The following PTPN22 variants were observed in gnomAD, a reference collection of about 807,000 sequenced individuals.
PTPN22 encodes the protein protein tyrosine phosphatase non-receptor type 22.
Under a neutral mutation model 103.3 loss-of-function variants are expected in PTPN22, and 85 were observed. That is an observed-to-expected ratio of 0.82 (90% CI 0.69 to 0.99). PTPN22 has a LOEUF of 0.99. Among genes scored for constraint, PTPN22 ranks in the 50% least tolerant of loss-of-function variants. The pLI is 0.00. For missense variants in PTPN22, 865 were observed against 936.9 expected (o/e 0.92, Z 1.00); for synonymous variants, 323 against 310.2 (o/e 1.04, Z -0.43).
chr1:113,859,202 G>A, intron 2 of PTPN22, 124 bp from the exon 3 acceptor site: 1 of 1,550,044 alleles, frequency 6.5e-7, no homozygotes, highest in Non-Finnish European at 8.7e-7. Context: ...ATGAATGAAT[G>A]AATGAATATT....
chr1:113,861,532 G>A (rs548892798), intron 1 of PTPN22, among the ~76,000 whole-genome samples: 3 of 151,934 alleles, frequency 2.0e-5, no homozygotes, highest in South Asian at 2.1e-4. Flanking sequence ...GAGCCACCGC[G>A]CCCGGCCAAT....
chr1:113,852,290 C>T (rs995753441), intron 9 of PTPN22, among the ~76,000 whole-genome samples, 186 bp from the exon 10 acceptor site: 7 of 152,050 alleles, frequency 4.6e-5, no homozygotes, highest in African/African-American at 1.7e-4. Context: ...CTGGTATTTT[C>T]CCTAGAAAAG....
intron 19 of PTPN22, among the ~76,000 whole-genome samples, chr1:113,822,511 AC>A (rs1661696944): frequency 6.6e-6 from 1 of 151,918 alleles, no homozygotes. Flanking sequence ...TTTACTTACT[AC>A]CCTGCATCTA....
At chr1:113,843,944 T>C (rs1233781985) in intron 11 of PTPN22, among the ~76,000 whole-genome samples, 1 of 152,132 alleles carries the variant, frequency 6.6e-6, no homozygotes, top group Non-Finnish European at 1.5e-5. Flanking sequence ...AAATAATCCA[T>C]TCTGGGCCGG....
intron 19 of PTPN22, among the ~76,000 whole-genome samples, chr1:113,821,123 A>C (rs1184609972): frequency 6.6e-6 from 1 of 152,194 alleles, no homozygotes; most frequent in African/African-American, 2.4e-5. Flanking sequence ...GAGGAAGTTC[A>C]GGAGATATCA....
intron 5 of PTPN22, among the ~76,000 whole-genome samples, chr1:113,857,250 A>C (rs2102114027): frequency 6.6e-6 from 1 of 152,316 alleles, no homozygotes; most frequent in East Asian, 1.9e-4. Context: ...ATTTCCATTT[A>C]GATTTAATAA....
intron 19 of PTPN22, among the ~76,000 whole-genome samples, chr1:113,822,502 T>A (rs542610796): frequency 1.3e-5 from 2 of 152,276 alleles, no homozygotes; most frequent in African/African-American, 4.8e-5. Context: ...TGTCTCCTCT[T>A]TACTTACTAC....
exon 18 of PTPN22, chr1:113,829,655 C>T (rs777389061): frequency 6.2e-7 from 1 of 1,609,036 alleles, no homozygotes; most frequent in East Asian, 2.2e-5. Context: ...TTGAATTTTC[C>T]ATGGTGTCAG....
intron 18 of PTPN22, 62 bp downstream of exon 18, chr1:113,829,530 G>T: frequency 1.2e-6 from 1 of 830,398 alleles, no homozygotes; most frequent in Non-Finnish European, 1.9e-6. Context: ...ATGCTGGGGA[G>T]GGGGAAACTT....
At chr1:113,852,739 T>C (rs184980026) in intron 9 of PTPN22, among the ~76,000 whole-genome samples, 19 of 152,282 alleles carry the variant, frequency 1.2e-4, no homozygotes, top group African/African-American at 4.1e-4. Context: ...CCCTACACTA[T>C]TGGAATCTCC....
intron 20 of PTPN22, among the ~76,000 whole-genome samples, chr1:113,816,326 A>T (rs1244718563): frequency 6.6e-6 from 1 of 151,812 alleles, no homozygotes; most frequent in Non-Finnish European, 1.5e-5. Flanking sequence ...ACACAAAAAA[A>T]TTAGCCGGGC....
chr1:113,869,719 A>T (rs138482990), intron 1 of PTPN22, among the ~76,000 whole-genome samples: 2 of 152,232 alleles, frequency 1.3e-5, no homozygotes, highest in African/African-American at 4.8e-5. Context: ...TAAAAAACAC[A>T]ACCAAAATAA....
chr1:113,857,632 C>G (rs1665193493), intron 5 of PTPN22, 106 bp downstream of exon 5: 1 of 1,010,908 alleles, frequency 9.9e-7, no homozygotes, highest in Non-Finnish European at 1.5e-6. Context: ...ATGAAGATGA[C>G]ATAAGTTTTA....
At chr1:113,849,538 A>G (rs1203760103) in intron 10 of PTPN22, among the ~76,000 whole-genome samples, 2 of 152,138 alleles carry the variant, frequency 1.3e-5, no homozygotes, top group Non-Finnish European at 2.9e-5. Context: ...GAAACAATGC[A>G]GAGTCTATAT....
At chr1:113,832,902 G>T (rs1662671415) in intron 16 of PTPN22, 1 of 490,250 alleles carries the variant, frequency 2.0e-6, no homozygotes, top group South Asian at 2.2e-5. Context: ...TTTCAGAGAG[G>T]TTATATATTA....
intron 11 of PTPN22, among the ~76,000 whole-genome samples, chr1:113,839,731 G>A (rs1261978090): frequency 6.6e-6 from 1 of 151,954 alleles, no homozygotes; most frequent in Admixed American, 6.6e-5. Context: ...ACATGATAGA[G>A]GCCATATATG....
intron 1 of PTPN22, among the ~76,000 whole-genome samples, chr1:113,862,010 G>T (rs1665655397): frequency 6.6e-6 from 1 of 152,072 alleles, no homozygotes; most frequent in Admixed American, 6.6e-5. Context: ...ACTGGGTGCG[G>T]TGGCTCACAC....
At chr1:113,857,859 G>T in intron 4 of PTPN22, 83 bp from the exon 5 acceptor site, 1 of 1,227,358 alleles carries the variant, frequency 8.1e-7, no homozygotes, top group Admixed American at 2.5e-5. Flanking sequence ...GACTCAGAAA[G>T]TATTAACCGT....
chr1:113,854,155 T>C lies in PTPN22; in HGVS notation c.750+316A>G, dbSNP rs113290287. On this transcript the variant is annotated intron_variant, in intron 9 of 20. Coordinates refer to ENST00000359785, the Ensembl canonical transcript of PTPN22. ...TGCTGGGATTACAGGCGTGAGCCAC[T>C]GTGCCCGGCCTAAATTTTCAAATAG... Among the ~76,000 whole-genome samples the C allele has an allele frequency of 4.4e-3, 669 of 152,196 alleles. 2 individuals are homozygous for C. Among genetic ancestry groups the C allele is most frequent in the African/African-American group, 0.016 (645 of 41,538 alleles).
Sources: allele counts gnomAD v4.1 joint callset (sites outside exome capture counted in the v4.1 genomes callset), GRCh38; gene constraint gnomAD v4.1.1; transcripts MANE v1.5; gene names NCBI Gene and HGNC (gene_info 2026-07-23, HGNC 2026-07-21).